Variants in MRAP2 observed in about 807,000 individuals in gnomAD.
MRAP2 encodes melanocortin-2 receptor accessory protein 2.
Under a neutral mutation model 17.4 loss-of-function variants are expected in MRAP2, and 20 were observed. The observed-to-expected ratio is 1.15, with a 90% CI of 0.81 to 1.67. The LOEUF is 1.67. MRAP2 is among the 40% of genes most tolerant of loss of function. MRAP2 has a pLI of 0.00. For synonymous variants in MRAP2, 96 were observed against 88.4 expected (o/e 1.09, Z -0.48); for missense variants, 238 against 240.0 (o/e 0.99, Z 0.05).
the MRAP2 span, among the ~76,000 whole-genome samples, chr6:84,138,838 T>A: frequency 6.6e-6 from 1 of 152,210 alleles, no homozygotes; most frequent in African/African-American, 2.4e-5. Context: ...AGTGCTTATG[T>A]TAACAAAGTT....
chr6:84,126,053 A>G, the MRAP2 span, among the ~76,000 whole-genome samples: 9 of 152,214 alleles, frequency 5.9e-5, no homozygotes, highest in East Asian at 1.7e-3. Flanking sequence ...TTTCTTATAA[A>G]CATTTGCTGA....
intron 1 of MRAP2, among the ~76,000 whole-genome samples, chr6:84,050,003 C>T (rs375041236): frequency 7.2e-5 from 10 of 139,760 alleles, no homozygotes; most frequent in East Asian, 5.9e-4. Context: ...TGTGTACGTG[C>T]GTGTAATGTC....
chr6:84,064,358 C>T (rs1200950060), intron 3 of MRAP2, among the ~76,000 whole-genome samples: 1 of 152,170 alleles, frequency 6.6e-6, no homozygotes, highest in Non-Finnish European at 1.5e-5. Flanking sequence ...ACTGGCTGAA[C>T]ACAACCAGCA....
chr6:84,104,516 TA>T, the MRAP2 span, among the ~76,000 whole-genome samples: 1 of 152,190 alleles, frequency 6.6e-6, no homozygotes, highest in African/African-American at 2.4e-5. Flanking sequence ...GTTTCCCTTT[TA>T]AAATTGAATG....
At chr6:84,037,065 A>G (rs936691696) in intron 1 of MRAP2, among the ~76,000 whole-genome samples, 14 of 151,732 alleles carry the variant, frequency 9.2e-5, no homozygotes, top group African/African-American at 1.2e-4. Flanking sequence ...TGATTGGTGT[A>G]TTTACAATCC....
chr6:84,113,584 A>C, the MRAP2 span, among the ~76,000 whole-genome samples: 3 of 152,122 alleles, frequency 2.0e-5, no homozygotes, highest in Admixed American at 6.5e-5. Flanking sequence ...GGACATTTAC[A>C]TTTAAGGTTA....
the MRAP2 span, among the ~76,000 whole-genome samples, chr6:84,106,431 C>G: frequency 6.6e-6 from 1 of 152,198 alleles, no homozygotes; most frequent in East Asian, 1.9e-4. Flanking sequence ...AGGTAGCTGA[C>G]TGATAACCCC....
chr6:84,045,128 C>T, intron 1 of MRAP2: 2 of 700,214 alleles, frequency 2.9e-6, no homozygotes, highest in South Asian at 1.3e-4. Context: ...ATACTAGGGA[C>T]TTGAGAATCT....
chr6:84,034,588 A>G (rs1317497691), intron 1 of MRAP2, among the ~76,000 whole-genome samples: 3 of 150,928 alleles, frequency 2.0e-5, no homozygotes, highest in Non-Finnish European at 4.4e-5. Context: ...TCTCTGCAGA[A>G]ACCTGTTTGG....
At chr6:84,134,158 G>A in the MRAP2 span, among the ~76,000 whole-genome samples, 1 of 152,200 alleles carries the variant, frequency 6.6e-6, no homozygotes, top group Non-Finnish European at 1.5e-5. Context: ...TTTATGCTAT[G>A]AGGGGAAAAC....
chr6:84,050,385 C>T (rs894105458), intron 1 of MRAP2, among the ~76,000 whole-genome samples: 8 of 152,088 alleles, frequency 5.3e-5, no homozygotes, highest in Admixed American at 3.3e-4. Context: ...GGAGGCATTG[C>T]CTTATAGAGA....
At chr6:84,082,590 A>G (rs2099499289) in intron 3 of MRAP2, among the ~76,000 whole-genome samples, 3 of 152,158 alleles carry the variant, frequency 2.0e-5, no homozygotes, top group Admixed American at 6.5e-5. Flanking sequence ...CTTCTTACTT[A>G]TAACTTCCTC....
At chr6:84,101,607 C>A in the MRAP2 span, among the ~76,000 whole-genome samples, 6 of 152,110 alleles carry the variant, frequency 3.9e-5, no homozygotes, top group Non-Finnish European at 8.8e-5. Flanking sequence ...TTATATGAAT[C>A]CTGTTTATTT....
At chr6:84,102,297 A>G in the MRAP2 span, among the ~76,000 whole-genome samples, 1 of 152,240 alleles carries the variant, frequency 6.6e-6, no homozygotes, top group Non-Finnish European at 1.5e-5. Flanking sequence ...AAGGACCTTG[A>G]GATGAGGAGA....
intron 3 of MRAP2, chr6:84,063,495 G>A (rs1295420236): frequency 1.2e-6 from 1 of 859,672 alleles, no homozygotes; most frequent in Non-Finnish European, 1.4e-6. Flanking sequence ...AGGATACAAA[G>A]GCAAACACTG....
At chr6:84,039,743 G>A (rs1043130973) in intron 1 of MRAP2, among the ~76,000 whole-genome samples, 2 of 152,108 alleles carry the variant, frequency 1.3e-5, no homozygotes, top group African/African-American at 4.8e-5. Flanking sequence ...CATGTTCTTG[G>A]TAATAGCAAA....
the MRAP2 span, among the ~76,000 whole-genome samples, chr6:84,110,047 T>G: frequency 5.3e-5 from 8 of 152,214 alleles, no homozygotes; most frequent in Non-Finnish European, 1.2e-4. Context: ...TTGTGAACAG[T>G]GCCGCAATAA....
intron 3 of MRAP2, among the ~76,000 whole-genome samples, chr6:84,069,983 C>G (rs1173828150): frequency 6.6e-6 from 1 of 151,722 alleles, no homozygotes; most frequent in East Asian, 1.9e-4. Context: ...TTTCTCTCTT[C>G]TTTTCTTGGT....
chr6:84,095,572 A>AT (rs565348228), downstream of MRAP2, among the ~76,000 whole-genome samples: 19 of 152,258 alleles, frequency 1.2e-4, no homozygotes, highest in East Asian at 2.1e-3. Context: ...AATTCAATGG[A>AT]TTTTTTCCCT....
Sources: gnomAD v4.1 joint callset for allele counts (sites outside exome capture counted in the v4.1 genomes callset) on GRCh38, gnomAD v4.1.1 for gene constraint, MANE v1.5 for transcripts, NCBI Gene and HGNC (gene_info 2026-07-23, HGNC 2026-07-21) for gene names.